The following BICDL1 variants were observed in gnomAD, a reference collection of about 807,000 sequenced individuals.
BICDL1 encodes BICD family like cargo adaptor 1.
In BICDL1, 20 loss-of-function variants were observed where a neutral mutation model predicts 76.8. The observed-to-expected ratio is 0.26, with a 90% confidence interval of 0.18 to 0.38. The LOEUF (loss-of-function observed/expected upper bound fraction) is 0.38. BICDL1 is among the 10% of genes least tolerant of loss of function. The probability of loss-of-function intolerance (pLI) is 1.00; values close to 1 mark genes in which losing one functional copy is unlikely to be tolerated. For missense variants in BICDL1, 700 were observed against 798.6 expected, an observed-to-expected ratio of 0.88 and a Z score of 1.49; for synonymous variants, 383 against 337.1, an observed-to-expected ratio of 1.14 and a Z score of -1.49.
intron 2 of BICDL1, among the ~76,000 whole-genome samples, chr12:120,057,818 C>CCTTTTTTTTTTTTTTTTTTTTTTTTTT (rs1953008680): frequency 1.3e-5 from 1 of 78,324 alleles, no homozygotes. Flanking sequence ...GCGATTCCTG[C>CCTTTTTTTTTTTTTTTTTTTTTTTTTT]TTTTTTTTTT....
At chr12:120,047,897 C>T (rs1224635268) in intron 2 of BICDL1, among the ~76,000 whole-genome samples, 1 of 152,096 alleles carries the variant, frequency 6.6e-6, no homozygotes, top group African/African-American at 2.4e-5. Flanking sequence ...TCTTCAGCTA[C>T]TTAAGAATGA....
intron 2 of BICDL1, among the ~76,000 whole-genome samples, chr12:120,007,644 A>C (rs16949842): frequency 0.056 from 8,507 of 152,324 alleles, 474 homozygotes; most frequent in African/African-American, 0.14. Flanking sequence ...ATACTAGCTG[A>C]AACTAATCTT....
rs1226465186 is a variant in BICDL1, at chr12:120,093,876, G to A, written c.*715G>A. 4.1e-6 allele frequency: 1 copy of A among 241,328 alleles called. No individual in the cohort carries two copies. Among genetic ancestry groups the A allele is most frequent in the Admixed American group, 5.0e-5 (1 of 19,830 alleles). The allele number at this position is 241,328 out of a possible 1,614,324, so 14.9% of individuals were successfully genotyped here. On this transcript the variant is annotated 3_prime_UTR_variant, in exon 10 of 10. Transcript: ENST00000548673. ...TTAGCAGGGCCTGGCCAGGCAGAGT[G>A]TTATCACCAGTCATCTGCAGGCTTT...
intron 2 of BICDL1, among the ~76,000 whole-genome samples, chr12:120,001,864 A>C (rs896073071): frequency 6.6e-6 from 1 of 152,124 alleles, no homozygotes; most frequent in Admixed American, 6.6e-5. Flanking sequence ...AGCCTGAACT[A>C]TACAGTAAGA....
intron 6 of BICDL1, among the ~76,000 whole-genome samples, chr12:120,074,059 G>A (rs531650967): frequency 1.7e-4 from 26 of 152,150 alleles, no homozygotes; most frequent in South Asian, 6.2e-4. Flanking sequence ...GACTACAGGT[G>A]CCCACCACCA....
intron 2 of BICDL1, among the ~76,000 whole-genome samples, chr12:120,047,987 A>G (rs978044187): frequency 1.3e-5 from 2 of 152,174 alleles, no homozygotes; most frequent in Non-Finnish European, 2.9e-5. Flanking sequence ...TTTTAAAAAT[A>G]AAATAAAAAA....
At chr12:120,073,831 A>G (rs1873304471) in intron 6 of BICDL1, among the ~76,000 whole-genome samples, 1 of 152,248 alleles carries the variant, frequency 6.6e-6, no homozygotes, top group Non-Finnish European at 1.5e-5. Context: ...ATGGTGTGCT[A>G]TTCCCACCAC....
chr12:120,080,717 T>G, intron 7 of BICDL1, 170 bp from the exon 8 acceptor site: 1 of 585,232 alleles, frequency 1.7e-6, no homozygotes, highest in Non-Finnish European at 2.9e-6. Context: ...GTACCCTTTC[T>G]TCAAGAGAGA....
At chr12:120,002,523 G>A (rs900192326) in intron 2 of BICDL1, among the ~76,000 whole-genome samples, 1 of 152,038 alleles carries the variant, frequency 6.6e-6, no homozygotes, top group Non-Finnish European at 1.5e-5. Flanking sequence ...ATGGTTCATG[G>A]GAAGATACTT....
rs1432409645 is a variant in BICDL1 at position 120,094,399 on chromosome 12, T to C, written c.*1238T>C. On this transcript the variant is annotated 3_prime_UTR_variant, in exon 10 of 10. Transcript: ENST00000548673. ...ACATGTATGGATTTTATAATATACA[T>C]ATATAAAAATCTATAAAGGCATATT... 22 of 378,316 alleles carry C rather than the reference T, an allele frequency of 5.8e-5. No homozygotes were observed. Among genetic ancestry groups the C allele is most frequent in the South Asian group, 1.9e-4 (10 of 53,028 alleles). 23.4% of individuals were successfully genotyped at this position (378,316 alleles called of 1,614,324 possible).
At chr12:120,078,880 C>T (rs1193934826) in intron 7 of BICDL1, among the ~76,000 whole-genome samples, 1 of 152,242 alleles carries the variant, frequency 6.6e-6, no homozygotes, top group Non-Finnish European at 1.5e-5. Flanking sequence ...CATGGCAGGG[C>T]TCATTTGGCC....
In BICDL1 at chr12:120,064,641, A is replaced by G. The variant is rs139643004; in HGVS notation, c.763-92A>G. On this transcript the variant is annotated intron_variant, in intron 3 of 9. Transcript: ENST00000548673. ...GACATTGGGCAGAATACTGAAAGAT[A>G]CTTGCCTTCATGTTTTGGGGCTAGT... The G allele has an allele frequency of 1.1e-5, 14 of 1,286,674 alleles. No homozygotes were observed. In the African/African-American group the frequency reaches 2.0e-4, roughly 18 times the overall value. The allele number at this position is 1,286,674 out of a possible 1,614,324, so 79.7% of individuals were successfully genotyped here.
intron 7 of BICDL1, among the ~76,000 whole-genome samples, chr12:120,078,074 G>C (rs1012230328): frequency 1.3e-4 from 20 of 152,156 alleles, no homozygotes; most frequent in African/African-American, 4.8e-4. Context: ...AGCTTTCTCT[G>C]TGCCCAGAAG....
At chr12:120,076,273 C>G (rs1873542038) in intron 7 of BICDL1, among the ~76,000 whole-genome samples, 1 of 152,222 alleles carries the variant, frequency 6.6e-6, no homozygotes, top group East Asian at 1.9e-4. Flanking sequence ...GAGAGTGATT[C>G]AGACTCAGAG....
chr12:120,080,930 G>A lies in BICDL1; in HGVS notation c.1496G>A (p.Arg499Lys), dbSNP rs765429423. The A allele has an allele frequency of 8.7e-6, 14 of 1,613,706 alleles. No homozygotes were observed. Among genetic ancestry groups the A allele is most frequent in the Non-Finnish European group, 1.2e-5 (14 of 1,179,936 alleles). The change falls in exon 8 of 10, where the codon AGA (arginine) becomes AAA (lysine). Residue 499 changes from arginine to lysine, a missense_variant. Physicochemically the swap from Arg to Lys is conservative, Grantham distance 26 (BLOSUM62 2). Coordinates refer to ENST00000548673, the MANE Select transcript of BICDL1 (RefSeq NM_001367886.1). ...SVEMTALKEE[R>K]DRLRVTSEDK... ...GAGATGACTGCCCTAAAAGAGGAGA[G>A]AGACCGACTCAGAGTCACTTCTGAG... is the stretch of plus-strand genomic sequence containing the variant.
At chr12:120,030,650 C>T (rs998723601) in intron 2 of BICDL1, among the ~76,000 whole-genome samples, 10 of 152,196 alleles carry the variant, frequency 6.6e-5, no homozygotes, top group African/African-American at 2.2e-4. Context: ...TTGTCTGGAA[C>T]CCTGGGCTTC....
At chr12:120,063,946 C>G (rs1284640169) in intron 3 of BICDL1, among the ~76,000 whole-genome samples, 1 of 152,200 alleles carries the variant, frequency 6.6e-6, no homozygotes. Context: ...TGTTTTCTCA[C>G]TGACACTGAA....
In BICDL1 at chr12:120,030,037, A is replaced by G. The variant is rs143046847; in HGVS notation, c.645+31301A>G. 1.7e-4 allele frequency among the ~76,000 whole-genome samples: 26 copies of G among 152,310 alleles called. 1 individual carries two copies. The highest frequency in any genetic ancestry group is 8.3e-4 in the South Asian group (4 of 4,830). The stretch of plus-strand genomic sequence containing the variant: ...TTTTATTGAAGGATAACTGGCAAAA[A>G]TTGTATATATTCAGCGTACAACATG... On this transcript the variant is annotated intron_variant, in intron 2 of 9. Coordinates refer to ENST00000548673, the MANE Select transcript of BICDL1 (RefSeq NM_001367886.1).
At chr12:119,997,676 C>T (rs547515334) in intron 1 of BICDL1, among the ~76,000 whole-genome samples, 1 of 152,278 alleles carries the variant, frequency 6.6e-6, no homozygotes, top group South Asian at 2.1e-4. Context: ...TGTCACTTAA[C>T]CTCTTCTGTT....
Sources: allele counts gnomAD v4.1 joint callset (sites outside exome capture counted in the v4.1 genomes callset), GRCh38; gene constraint gnomAD v4.1.1; transcripts MANE v1.5; gene names NCBI Gene and HGNC (gene_info 2026-07-23, HGNC 2026-07-21).